PCDHAC1: variants seen among roughly 807,000 people sequenced by gnomAD.
PCDHAC1 encodes protocadherin alpha-C1.
PCDHAC1 carries 42 observed loss-of-function variants against 60.0 expected under a neutral mutation model. The observed-to-expected ratio is 0.70, with a 90% CI of 0.55 to 0.90. The LOEUF (loss-of-function observed/expected upper bound fraction) is 0.90, where lower values mean the gene tolerates loss of function less well. PCDHAC1 is among the 40% of genes least tolerant of loss of function. The pLI, the probability that PCDHAC1 is intolerant of heterozygous loss-of-function variation, is 0.00. For synonymous variants in PCDHAC1, 468 were observed against 499.3 expected (o/e 0.94, Z 0.84); for missense variants, 1,160 against 1,222.3 (o/e 0.95, Z 0.76).
At chr5:140,953,227 G>A (rs269546) in intron 1 of PCDHAC1, among the ~76,000 whole-genome samples, 34,007 of 151,960 alleles carry the variant, frequency 0.22, 4,902 homozygotes, top group African/African-American at 0.41. Flanking sequence ...GCTTCTGCTT[G>A]GTAGCAGTTC....
At chr5:140,988,348 A>T (rs2097293800) in intron 3 of PCDHAC1, among the ~76,000 whole-genome samples, 1 of 152,116 alleles carries the variant, frequency 6.6e-6, no homozygotes, top group Admixed American at 6.6e-5. Flanking sequence ...TCCTTTTAAG[A>T]TGCACTTTTA....
intron 1 of PCDHAC1, among the ~76,000 whole-genome samples, chr5:140,946,752 A>G (rs1470208958): frequency 9.2e-5 from 14 of 151,470 alleles, no homozygotes; most frequent in African/African-American, 3.4e-4. Context: ...CAAATACTGC[A>G]TGATCTCATT....
chr5:140,999,975 A>G (rs952038024), intron 3 of PCDHAC1, among the ~76,000 whole-genome samples: 3 of 152,078 alleles, frequency 2.0e-5, no homozygotes, highest in African/African-American at 7.2e-5. Context: ...TAGCAGCTCT[A>G]GCGGCCTCTG....
In PCDHAC1 at chr5:140,995,570, A is replaced by T. The variant is rs186345842; in HGVS notation, c.2581+13007A>T. ...TCACTGTACTGAATAATATGTCAAG[A>T]TGAGCTATGAGCTTTTAACTTAGTG... is the stretch of plus-strand genomic sequence containing the variant. On this transcript the variant is annotated intron_variant, in intron 3 of 3. Transcript: ENST00000253807. Among the ~76,000 whole-genome samples, 3 of 152,328 alleles carry T rather than the reference A, an allele frequency of 2.0e-5. No homozygotes were observed. In the East Asian group the frequency reaches 5.8e-4, roughly 29 times the overall value.
At chr5:140,983,642 G>A (rs954814692) in intron 3 of PCDHAC1, among the ~76,000 whole-genome samples, 3 of 152,174 alleles carry the variant, frequency 2.0e-5, no homozygotes, top group African/African-American at 7.2e-5. Flanking sequence ...CCAAGTTCAC[G>A]TAGCTTGTAA....
At chr5:140,946,976 G>A (rs2094064804) in intron 1 of PCDHAC1, among the ~76,000 whole-genome samples, 1 of 151,532 alleles carries the variant, frequency 6.6e-6, no homozygotes, top group Admixed American at 6.6e-5. Context: ...ATAGAATAGA[G>A]GATTTTGAGT....
chr5:140,987,106 C>T (rs113308102), intron 3 of PCDHAC1, among the ~76,000 whole-genome samples: 4,830 of 151,440 alleles, frequency 0.032, 263 homozygotes, highest in African/African-American at 0.11. Context: ...CCCAGCTACT[C>T]GGGAGGCTGA....
intron 1 of PCDHAC1, among the ~76,000 whole-genome samples, chr5:140,976,307 T>C (rs955106939): frequency 6.6e-6 from 1 of 152,100 alleles, no homozygotes; most frequent in African/African-American, 2.4e-5. Flanking sequence ...TCCCAGCACT[T>C]TGGGAGGCCG....
At chr5:140,931,935 G>A (rs1456832226) in intron 1 of PCDHAC1, among the ~76,000 whole-genome samples, 2 of 151,826 alleles carry the variant, frequency 1.3e-5, no homozygotes, top group East Asian at 1.9e-4. Context: ...ATTATAATGT[G>A]TGTCTGAGTC....
intron 1 of PCDHAC1, among the ~76,000 whole-genome samples, chr5:140,937,575 T>C (rs111558133): frequency 1.8e-3 from 268 of 149,140 alleles, no homozygotes; most frequent in African/African-American, 6.4e-3. Context: ...TGGGATCGCG[T>C]CACTGCACTC....
At chr5:141,007,395 C>CAAAAAAAAAAA (rs35800918) in intron 3 of PCDHAC1, among the ~76,000 whole-genome samples, 6 of 94,856 alleles carry the variant, frequency 6.3e-5, no homozygotes, top group South Asian at 3.5e-4. Flanking sequence ...TACTAAAATA[C>CAAAAAAAAAAA]AAAAAAAAAA....
Position 140,927,721 on chromosome 5 carries a change from C to G in PCDHAC1, c.829C>G (p.Gln277Glu). Residue 277 changes from glutamine (Q) to glutamate (E), a missense_variant, in exon 1 of 4, where the codon CAA (glutamine) becomes GAA (glutamate). Transcript: ENST00000253807. ...EVQYSLSNST[Q>E]AELRHRFHVH... ...CCAGTACTCCCTAAGCAACAGCACG[C>G]AAGCAGAGCTGCGACACCGCTTTCA... 6.2e-7 allele frequency: 1 copy of G among 1,614,204 alleles called. No homozygotes were observed. The highest frequency in any genetic ancestry group is 8.5e-7 in the Non-Finnish European group (1 of 1,180,026).
intron 3 of PCDHAC1, among the ~76,000 whole-genome samples, chr5:140,985,991 A>G (rs575854221): frequency 2.7e-4 from 41 of 152,022 alleles, no homozygotes; most frequent in African/African-American, 9.2e-4. Context: ...CGCCCACCTC[A>G]GCCTCCCAAA....
chr5:140,998,781 C>G (rs1554256464), intron 3 of PCDHAC1, among the ~76,000 whole-genome samples: 1 of 152,162 alleles, frequency 6.6e-6, no homozygotes, highest in East Asian at 1.9e-4. Context: ...TCAGGCTGGT[C>G]TGGAACCCCT....
chr5:140,996,175 C>T (rs1296990069), intron 3 of PCDHAC1, among the ~76,000 whole-genome samples: 2 of 152,336 alleles, frequency 1.3e-5, no homozygotes, highest in Middle Eastern at 3.4e-3. Flanking sequence ...GTGCTGACAG[C>T]ACCTCCATTT....
At chr5:140,935,363 C>T (rs1005942314) in intron 1 of PCDHAC1, among the ~76,000 whole-genome samples, 3 of 152,180 alleles carry the variant, frequency 2.0e-5, no homozygotes, top group African/African-American at 7.2e-5. Flanking sequence ...TTTTCATTAA[C>T]GTCAACAGAA....
intron 1 of PCDHAC1, among the ~76,000 whole-genome samples, chr5:140,957,038 C>A (rs534661886): frequency 2.0e-5 from 3 of 151,928 alleles, no homozygotes; most frequent in African/African-American, 7.3e-5. Context: ...TTATGGGAGT[C>A]ATATAAAATA....
Position 140,927,946 on chromosome 5 carries a change from G to A in PCDHAC1, c.1054G>A (p.Asp352Asn), listed in dbSNP as rs1341193072. Residue 352 changes from aspartate to asparagine, a missense_variant, in exon 1 of 4, where the codon GAC becomes AAC. Coordinates refer to ENST00000253807, the MANE Select transcript of PCDHAC1 (RefSeq NM_018898.5). ...GACTCTTTCGAACCCAGTACCTGAG[G>A]ACGCTGCCCCTGGCACAGTGATTGC... ...FLTLSNPVPE[D>N]AAPGTVIALF... 6.2e-7 allele frequency: 1 copy of A among 1,614,096 alleles called. No homozygotes were observed. Among genetic ancestry groups the A allele is most frequent in the East Asian group, 2.2e-5 (1 of 44,896 alleles).
intron 1 of PCDHAC1, among the ~76,000 whole-genome samples, chr5:140,934,368 C>A (rs2089796426): frequency 6.6e-6 from 1 of 152,102 alleles, no homozygotes; most frequent in African/African-American, 2.4e-5. Context: ...TGCTTTGACT[C>A]CTTCTGTGGT....
Sources: allele counts gnomAD v4.1 joint callset (sites outside exome capture counted in the v4.1 genomes callset), GRCh38; gene constraint gnomAD v4.1.1; transcripts MANE v1.5; gene names NCBI Gene and HGNC (gene_info 2026-07-23, HGNC 2026-07-21).